PINK1: variants seen among roughly 807,000 people sequenced by gnomAD.
The protein encoded by PINK1 is serine/threonine-protein kinase PINK1, mitochondrial.
PINK1 carries 58 observed loss-of-function variants against 56.0 expected under a neutral mutation model. The observed-to-expected ratio is 1.04, with a 90% confidence interval of 0.84 to 1.29. PINK1 has a LOEUF of 1.29. Among genes scored for constraint, PINK1 ranks in the 50% most tolerant of loss-of-function variants. PINK1 has a pLI of 0.00. For missense variants in PINK1, 745 were observed against 777.9 expected (o/e 0.96, Z 0.50); for synonymous variants, 354 against 339.3 (o/e 1.04, Z -0.48).
chr1:20,650,938 G>T lies in PINK1; in HGVS notation c.*247G>T, dbSNP rs1379824461. The stretch of plus-strand genomic sequence containing the variant: ...AGTAGATGAGGCTGGACTGAGGAGG[G>T]GTAGGCCTGCATCCACAGAGAGGAT... On this transcript the variant is annotated 3_prime_UTR_variant, in exon 8 of 8. Transcript: ENST00000321556. The T allele has an allele frequency of 9.0e-6, 5 of 553,336 alleles. No individual in the cohort carries two copies. Among genetic ancestry groups the T allele is most frequent in the Non-Finnish European group, 1.6e-5 (5 of 308,930 alleles). 34.3% of individuals were successfully genotyped at this position (553,336 alleles called of 1,614,324 possible).
intron 2 of PINK1, 78 bp from the exon 3 acceptor site, chr1:20,639,813 AG>A: frequency 7.7e-7 from 1 of 1,298,966 alleles, no homozygotes; most frequent in Non-Finnish European, 1.1e-6. Context: ...GCCCTGCTCC[AG>A]GTTACAGGCA....
rs546199950 is a variant in PINK1, at chr1:20,650,163, G to A, written c.1489-271G>A. The A allele has an allele frequency of 2.5e-5, 13 of 529,632 alleles. No homozygotes were observed. In the East Asian group the frequency reaches 3.4e-4, roughly 14 times the overall value. The allele number at this position is 529,632 out of a possible 1,614,324, so 32.8% of individuals were successfully genotyped here. ...ACCTGGTTCAAGGGACCAGATAGCT[G>A]TGCACAAGAGGCACTAGGCTTTCCA... On this transcript the variant is annotated intron_variant, in intron 7 of 7. Transcript: ENST00000321556.
chr1:20,648,340 C>A, intron 5 of PINK1, 165 bp from the exon 6 acceptor site: 1 of 952,586 alleles, frequency 1.0e-6, no homozygotes, highest in Non-Finnish European at 1.6e-6. Flanking sequence ...GTTCGCACAG[C>A]AGGCCCTTCT....
Position 20,644,686 on chromosome 1 carries a change from G to A in PINK1, c.959+14G>A, listed in dbSNP as rs1319066387. The A allele has an allele frequency of 1.9e-6, 3 of 1,613,686 alleles. No homozygotes were observed. Among genetic ancestry groups the A allele is most frequent in the Middle Eastern group, 1.7e-4 (1 of 6,040 alleles). On this transcript the variant is annotated intron_variant, in intron 4 of 7. Transcript: ENST00000321556. ...CGTTATGAAGAAGTAAGTGACAGCA[G>A]CGCGGCAGGGCCTGGAGCTGATACA...
Position 20,650,540 on chromosome 1 carries a change from T to G in PINK1, c.1595T>G (p.Leu532Arg). 5 of 1,614,224 alleles carry G rather than the reference T, an allele frequency of 3.1e-6. No homozygotes were observed. The highest frequency in any genetic ancestry group is 2.5e-6 in the Non-Finnish European group (3 of 1,180,036). The part of the protein sequence containing the change: ...LKLDKMVGWL[L>R]QQSAATLLAN... ...TTAGACAAGATGGTTGGCTGGCTCC[T>G]CCAACAATCGGCCGCCACTTTGTTG... is the stretch of plus-strand genomic sequence containing the variant. Residue 532 changes from leucine to arginine, a missense_variant, in exon 8 of 8, where the codon CTC (leucine) becomes CGC (arginine). Transcript: ENST00000321556.
intron 3 of PINK1, chr1:20,643,032 A>G (rs2053133259): frequency 6.6e-6 from 1 of 152,298 alleles, no homozygotes; most frequent in Admixed American, 6.5e-5. Flanking sequence ...CTTTCCTCGC[A>G]TCTCCTGTTC....
chr1:20,644,658 C>A lies in PINK1; in HGVS notation c.945C>A (p.Phe315Leu), dbSNP rs1224927529. The change falls in exon 4 of 8, where the codon TTC (phenylalanine) becomes TTA (leucine). Residue 315 changes from phenylalanine to leucine, a missense_variant. By Grantham distance (22) the Phe-to-Leu change is conservative (BLOSUM62 0). Transcript: ENST00000321556. ...GCCTGGGCCATGGCCGGACGCTGTT[C>A]CTCGTTATGAAGAAGTAAGTGACAG... ...PEGLGHGRTL[F>L]LVMKNYPCTL... is the part of the protein sequence containing the mutation. The A allele has an allele frequency of 1.2e-6, 2 of 1,614,110 alleles. No homozygotes were observed. Among genetic ancestry groups the A allele is most frequent in the African/African-American group, 1.3e-5 (1 of 74,948 alleles).
intron 5 of PINK1, among the ~76,000 whole-genome samples, chr1:20,648,027 C>T (rs1224878698): frequency 6.6e-6 from 1 of 151,994 alleles, no homozygotes; most frequent in African/African-American, 2.4e-5. Flanking sequence ...GTTGGCCAGG[C>T]TGGTCTTGAA....
At position 20,633,599 on chromosome 1, in the gene PINK1, G is replaced by A; in HGVS notation, c.51G>A (p.Leu17=). 1 of 1,271,828 alleles carries A rather than the reference G, an allele frequency of 7.9e-7. No individual in the cohort carries two copies. The highest frequency in any genetic ancestry group is 2.7e-5 in the South Asian group (1 of 37,148). The allele number at this position is 1,271,828 out of a possible 1,614,324, so 78.8% of individuals were successfully genotyped here. A position where few individuals can be genotyped will look rare whatever the true frequency, so the allele number is the denominator to read the frequency against. ...GCGGCCTGCAGCTGGGTCGAGCGCT[G>A]CTGCTGCGCTTCACGGGCAAGCCCG... ...LGRGLQLGRA[L]LLRFTGKPGR... is the part of the protein sequence containing the mutation. Residue 17 remains leucine (L), a synonymous_variant, in exon 1 of 8, where the codon CTG becomes CTA. Transcript: ENST00000321556.
Position 20,644,666 on chromosome 1 carries a change from T to G in PINK1, c.953T>G (p.Met318Arg). ...LGHGRTLFLV[M>R]KNYPCTLRQY... ...CATGGCCGGACGCTGTTCCTCGTTA[T>G]GAAGAAGTAAGTGACAGCAGCGCGG... is the stretch of plus-strand genomic sequence containing the variant. Residue 318 changes from methionine to arginine, a missense_variant, in exon 4 of 8, where the codon ATG (methionine) becomes AGG (arginine). Met to Arg is a moderately conservative substitution (Grantham distance 91). Transcript: ENST00000321556. The G allele has an allele frequency of 6.2e-7, 1 of 1,614,200 alleles. No individual in the cohort carries two copies. The highest frequency in any genetic ancestry group is 8.5e-7 in the Non-Finnish European group (1 of 1,180,046).
chr1:20,639,561 T>C (rs2053092816), intron 2 of PINK1: 2 of 381,514 alleles, frequency 5.2e-6, no homozygotes, highest in Admixed American at 3.7e-5. Context: ...GATCCAGTGG[T>C]CAATTTTGAA....
At position 20,633,793 on chromosome 1, in the gene PINK1, A is replaced by T; in HGVS notation, c.245A>T (p.Gln82Leu). 6.4e-7 allele frequency: 1 copy of T among 1,574,430 alleles called. No homozygotes were observed. The highest frequency in any genetic ancestry group is 8.6e-7 in the Non-Finnish European group (1 of 1,165,476). Reference sequence around the variant, plus strand: ...GTGGCCGGGCTGGCGGCGCGGTTGCAGCGGCAGTTCGTGGTGCGGGCCTGG... The same window carrying T: ...GTGGCCGGGCTGGCGGCGCGGTTGCTGCGGCAGTTCGTGGTGCGGGCCTGG... ...QSVAGLAARL[Q>L]RQFVVRAWGC... The change falls in exon 1 of 8, where the codon CAG becomes CTG. Residue 82 changes from glutamine (Q) to leucine (L), a missense_variant. Gln to Leu is a moderately radical substitution (Grantham distance 113). Transcript: ENST00000321556.
intron 3 of PINK1, 34 bp downstream of exon 3, chr1:20,640,026 CTTCT>C: frequency 2.6e-6 from 4 of 1,544,984 alleles, no homozygotes; most frequent in Non-Finnish European, 3.5e-6. Flanking sequence ...CTGACTGGGA[CTTCT>C]TTGAGAGCAA....
chr1:20,649,182 C>CA lies in PINK1; in HGVS notation c.1440dup (p.Asp481ArgfsTer34), dbSNP rs1256713415. ...CCTGCACTGCCCGAGTCAGTGCCTCCAGACGTGAGACAGTTGGTGAGGGCA... is the reference window on the plus strand; with the variant it reads ...CCTGCACTGCCCGAGTCAGTGCCTCCAAGACGTGAGACAGTTGGTGAGGGCA... On this transcript the variant is annotated frameshift_variant, in exon 7 of 8. Transcript: ENST00000321556. LOFTEE classifies it high-confidence loss of function. 1 of 1,614,210 alleles carries CA rather than the reference C, an allele frequency of 6.2e-7. No individual in the cohort carries two copies.
intron 5 of PINK1, among the ~76,000 whole-genome samples, chr1:20,648,132 G>T (rs2053210196): frequency 6.6e-6 from 1 of 152,168 alleles, no homozygotes. Flanking sequence ...AATGCACCTG[G>T]TTCTTAGGTT....
chr1:20,637,072 G>A (rs2053063616), intron 1 of PINK1, among the ~76,000 whole-genome samples: 1 of 152,220 alleles, frequency 6.6e-6, no homozygotes, highest in African/African-American at 2.4e-5. Context: ...CTATGGCCAA[G>A]GGGCATATGC....
At chr1:20,648,411 CTA>C in intron 5 of PINK1, 92 bp from the exon 6 acceptor site, 1 of 1,567,238 alleles carries the variant, frequency 6.4e-7, no homozygotes, top group Non-Finnish European at 8.7e-7. Flanking sequence ...CCCCTGTCAG[CTA>C]TGTCTTGCTG....
chr1:20,639,760 G>GTCATC, intron 2 of PINK1, 132 bp from the exon 3 acceptor site: 1 of 776,614 alleles, frequency 1.3e-6, no homozygotes. Context: ...GTTAAGACAG[G>GTCATC]TCATCTTATC....
At chr1:20,645,833 C>CT in intron 5 of PINK1, 110 bp downstream of exon 5, 1 of 1,396,722 alleles carries the variant, frequency 7.2e-7, no homozygotes, top group Non-Finnish European at 1.0e-6. Context: ...TAAGTCATGT[C>CT]TTTATTTAGC....
Sources: allele counts gnomAD v4.1 joint callset (sites outside exome capture counted in the v4.1 genomes callset), GRCh38; gene constraint gnomAD v4.1.1; transcripts MANE v1.5; gene names NCBI Gene and HGNC (gene_info 2026-07-23, HGNC 2026-07-21).